Variants in TNFRSF19 observed in about 807,000 individuals in gnomAD.
The protein encoded by TNFRSF19 is tumor necrosis factor receptor superfamily member 19.
In TNFRSF19, 27 loss-of-function variants were observed where a neutral mutation model predicts 46.4. The observed-to-expected ratio is 0.58, with a 90% CI of 0.43 to 0.80. TNFRSF19 has a LOEUF of 0.80. Ranked by LOEUF, TNFRSF19 falls within the 30% of genes least tolerant of loss-of-function variation. The pLI, the probability that TNFRSF19 is intolerant of heterozygous loss-of-function variation, is 0.00. For missense variants in TNFRSF19, 511 were observed against 530.8 expected, an observed-to-expected ratio of 0.96 and a Z score of 0.37; for synonymous variants, 204 against 205.0, an observed-to-expected ratio of 1.00 and a Z score of 0.04.
At chr13:23,651,893 T>TAA (rs34023907) in intron 5 of TNFRSF19, among the ~76,000 whole-genome samples, 102 of 9,964 alleles carry the variant, frequency 0.01, 4 homozygotes, top group East Asian at 0.085. Context: ...CATAACATGC[T>TAA]AAAAAAAAAA....
intron 9 of TNFRSF19, 71 bp downstream of exon 9, chr13:23,669,168 T>C: frequency 1.3e-6 from 2 of 1,523,644 alleles, no homozygotes; most frequent in Non-Finnish European, 1.8e-6. Flanking sequence ...GTTCCCAGCA[T>C]AAGATTTGGG....
At chr13:23,594,741 C>G (rs1046630569) in intron 3 of TNFRSF19, among the ~76,000 whole-genome samples, 1 of 152,194 alleles carries the variant, frequency 6.6e-6, no homozygotes, top group Admixed American at 6.5e-5. Context: ...AGCAGATCTC[C>G]CAGCAAAGCA....
intron 3 of TNFRSF19, among the ~76,000 whole-genome samples, chr13:23,604,687 G>A (rs73156758): frequency 0.013 from 2,025 of 152,206 alleles, 22 homozygotes; most frequent in Middle Eastern, 0.027. Context: ...GAGAGCCCAG[G>A]AATAGACCCA....
At chr13:23,575,740 T>C (rs1256185297) in intron 1 of TNFRSF19, among the ~76,000 whole-genome samples, 1 of 152,246 alleles carries the variant, frequency 6.6e-6, no homozygotes, top group Non-Finnish European at 1.5e-5. Flanking sequence ...TTGCATTCTA[T>C]TCCACTTTTT....
chr13:23,648,104 G>T (rs1883433957), intron 5 of TNFRSF19, among the ~76,000 whole-genome samples: 1 of 152,070 alleles, frequency 6.6e-6, no homozygotes, highest in African/African-American at 2.4e-5. Flanking sequence ...TTTTAGGATA[G>T]GCTTTTTCAC....
At chr13:23,586,868 C>T (rs1460427366) in intron 1 of TNFRSF19, among the ~76,000 whole-genome samples, 1 of 151,948 alleles carries the variant, frequency 6.6e-6, no homozygotes, top group Non-Finnish European at 1.5e-5. Context: ...ATAGTGAGGC[C>T]GACATTTCAT....
At chr13:23,594,379 C>T (rs1879543684) in intron 3 of TNFRSF19, 2 of 413,602 alleles carry the variant, frequency 4.8e-6, no homozygotes, top group Non-Finnish European at 9.7e-6. Flanking sequence ...GCCAGCACAG[C>T]AGTGTGAAGT....
At chr13:23,571,266 T>C (rs910666938) in intron 1 of TNFRSF19, among the ~76,000 whole-genome samples, 3 of 152,258 alleles carry the variant, frequency 2.0e-5, no homozygotes, top group South Asian at 2.1e-4. Context: ...TTTTCTTATA[T>C]AAAAGAGTAA....
chr13:23,581,202 C>T (rs1037484177), intron 1 of TNFRSF19, among the ~76,000 whole-genome samples: 2 of 150,432 alleles, frequency 1.3e-5, no homozygotes, highest in African/African-American at 4.9e-5. Flanking sequence ...CTGCGCACTG[C>T]AAGCTCCCGC....
intron 5 of TNFRSF19, among the ~76,000 whole-genome samples, chr13:23,656,989 A>T (rs542897268): frequency 1.3e-5 from 2 of 152,332 alleles, no homozygotes; most frequent in East Asian, 3.9e-4. Flanking sequence ...AGCTTGCTGT[A>T]TAATGAACAT....
chr13:23,597,194 G>T (rs1307381663), intron 3 of TNFRSF19, among the ~76,000 whole-genome samples: 1 of 152,036 alleles, frequency 6.6e-6, no homozygotes, highest in African/African-American at 2.4e-5. Flanking sequence ...AACTAGAGAA[G>T]CAAGGGCAAA....
chr13:23,641,306 T>G (rs1041120408), intron 5 of TNFRSF19, among the ~76,000 whole-genome samples: 3 of 152,204 alleles, frequency 2.0e-5, no homozygotes, highest in Non-Finnish European at 4.4e-5. Flanking sequence ...GACAAATAAT[T>G]AAATGTTTTC....
At chr13:23,647,203 G>A (rs1265682980) in intron 5 of TNFRSF19, among the ~76,000 whole-genome samples, 1 of 152,110 alleles carries the variant, frequency 6.6e-6, no homozygotes, top group Non-Finnish European at 1.5e-5. Flanking sequence ...TGTATGAAAT[G>A]CTAATATTTT....
chr13:23,593,395 G>C lies in TNFRSF19; in HGVS notation c.120G>C (p.Arg40Ser). 6.2e-7 allele frequency: 1 copy of C among 1,600,420 alleles called. No individual in the cohort carries two copies. The highest frequency in any genetic ancestry group is 1.4e-5 in the African/African-American group (1 of 74,044). ...GAGACTGTAGACAGCAAGAATTCAG[G>C]GATCGGTCTGGAAACTGTGTTCCCT... The part of the protein sequence containing the change: ...ESGDCRQQEF[R>S]DRSGNCVPCN... Residue 40 changes from arginine to serine, a missense_variant, in exon 3 of 10, where the codon AGG becomes AGC. Arg to Ser is a moderately radical substitution (Grantham distance 110, BLOSUM62 -1). Transcript: ENST00000248484.
chr13:23,633,381 C>T (rs1349101015), intron 5 of TNFRSF19, among the ~76,000 whole-genome samples: 2 of 152,342 alleles, frequency 1.3e-5, no homozygotes, highest in African/African-American at 4.8e-5. Flanking sequence ...AGCCACCACA[C>T]CTGACCATGA....
In TNFRSF19 at chr13:23,614,746, CATATATAT is replaced by C. The variant is rs59117822; in HGVS notation, c.181-1105_181-1098del. 6.8e-3 allele frequency among the ~76,000 whole-genome samples: 912 copies of C among 134,904 alleles called. 16 individuals are homozygous for C. The highest frequency in any genetic ancestry group is 0.025 in the African/African-American group (883 of 35,592). The allele number at this position is 134,904 out of a possible 152,430, so 88.5% of individuals were successfully genotyped here. ...AGCCGCTTCCTGTGGATAAGTAATA[CATATATAT>C]ATATATATATATATAGTACCTGGCA... On this transcript the variant is annotated intron_variant, in intron 3 of 9. Coordinates refer to ENST00000248484, the MANE Select transcript of TNFRSF19 (RefSeq NM_148957.4).
At chr13:23,585,858 T>C (rs1433529430) in intron 1 of TNFRSF19, among the ~76,000 whole-genome samples, 1 of 152,228 alleles carries the variant, frequency 6.6e-6, no homozygotes, top group Non-Finnish European at 1.5e-5. Context: ...TCATTAGCTC[T>C]AGCTCATATT....
rs567090624 is a variant in TNFRSF19 at position 23,654,534 on chromosome 13, C to T, written c.446-4516C>T. On this transcript the variant is annotated intron_variant, in intron 5 of 9. Coordinates refer to ENST00000248484, the MANE Select transcript of TNFRSF19 (RefSeq NM_148957.4). ...CCTGCGGAACCAGCTGCCATGCACACTGGGGCAGCTCTGCAGTCTGGAAAG... is the reference window on the plus strand; with the variant it reads ...CCTGCGGAACCAGCTGCCATGCACATTGGGGCAGCTCTGCAGTCTGGAAAG... 1.2e-4 allele frequency among the ~76,000 whole-genome samples: 19 copies of T among 152,302 alleles called. No individual in the cohort carries two copies. The South Asian group carries it at 3.1e-3, about 25-fold the overall frequency.
chr13:23,655,810 G>T (rs1883951835), intron 5 of TNFRSF19, among the ~76,000 whole-genome samples: 1 of 150,842 alleles, frequency 6.6e-6, no homozygotes, highest in Admixed American at 6.6e-5. Context: ...AAGTCATAAA[G>T]AATTATAAGA....
Sources: allele counts gnomAD v4.1 joint callset (sites outside exome capture counted in the v4.1 genomes callset), GRCh38; gene constraint gnomAD v4.1.1; transcripts MANE v1.5; gene names NCBI Gene and HGNC (gene_info 2026-07-23, HGNC 2026-07-21).